Variants in RBP4 observed in about 807,000 individuals in gnomAD.
RBP4 encodes retinol-binding protein 4.
A neutral mutation model predicts 26.2 loss-of-function variants in RBP4; 9 were observed. The observed-to-expected ratio is 0.34, with a 90% CI of 0.21 to 0.60. RBP4 has a LOEUF of 0.60. Ranked by LOEUF, RBP4 falls within the 20% of genes least tolerant of loss-of-function variation. The pLI is 0.80. For synonymous variants in RBP4, 114 were observed against 111.0 expected (o/e 1.03, Z -0.17); for missense variants, 244 against 271.3 (o/e 0.90, Z 0.71).
At chr10:93,595,519 CCAGA>C (rs1389055123) in intron 4 of RBP4, among the ~76,000 whole-genome samples, 1 of 152,220 alleles carries the variant, frequency 6.6e-6, no homozygotes, top group Non-Finnish European at 1.5e-5. Context: ...CACACTGTCT[CCAGA>C]CAATCAGTAC....
At chr10:93,595,167 T>C (rs190816373) in intron 4 of RBP4, among the ~76,000 whole-genome samples, 2 of 152,046 alleles carry the variant, frequency 1.3e-5, no homozygotes, top group Non-Finnish European at 2.9e-5. Flanking sequence ...AAAAAAAGAA[T>C]GTATGTGAGC....
At chr10:93,596,466 T>C (rs967714450) in intron 4 of RBP4, among the ~76,000 whole-genome samples, 5 of 152,098 alleles carry the variant, frequency 3.3e-5, no homozygotes, top group African/African-American at 4.8e-5. Flanking sequence ...GAGAATGAGG[T>C]TGGTTCTCTA....
rs2058283396 is a variant in RBP4 at position 93,593,848 on chromosome 10, C to T, written c.543G>A (p.Arg181=). 6.2e-7 allele frequency: 1 copy of T among 1,612,270 alleles called. No individual in the cohort carries two copies. The highest frequency in any genetic ancestry group is 2.1e-4 in the Middle Eastern group (1 of 4,854). ...CGTTGTGGACGATCAGCCTGTACTG[C>T]CTGGCCAGGCACAGCTCCTCCTGCC... ...RQRQEELCLA[R]QYRLIVHNGY... The change falls in exon 5 of 6, where the codon AGG becomes AGA. Residue 181 remains arginine (R), a synonymous_variant. Transcript: ENST00000371464.
At chr10:93,593,450 C>T (rs1222588281) in intron 5 of RBP4, among the ~76,000 whole-genome samples, 2 of 151,964 alleles carry the variant, frequency 1.3e-5, no homozygotes, top group South Asian at 2.1e-4. Flanking sequence ...GCCACATGAA[C>T]TGCCCACCTC....
chr10:93,600,263 G>C (rs1364539981), intron 4 of RBP4, 130 bp downstream of exon 4: 18 of 823,366 alleles, frequency 2.2e-5, no homozygotes, highest in East Asian at 5.0e-5. Context: ...GGTGCTGCGG[G>C]TTCCTGACAC....
At chr10:93,601,373 C>T (rs1347773883), upstream of RBP4, 2 of 1,250,072 alleles carry the variant, frequency 1.6e-6, no homozygotes, top group Non-Finnish European at 2.0e-6. Flanking sequence ...GGAGCCCGGG[C>T]ACGGGCAGGG....
At position 93,601,187 on chromosome 10, in the gene RBP4, G is replaced by A; in HGVS notation, c.-35C>T. The A allele has an allele frequency of 2.9e-6, 4 of 1,376,004 alleles. No individual in the cohort carries two copies. The highest frequency in any genetic ancestry group is 3.7e-6 in the Non-Finnish European group (4 of 1,076,042). The allele number at this position is 1,376,004 out of a possible 1,614,324, so 85.2% of individuals were successfully genotyped here. ...GCGACTCACCACCGGGAGGGGAACCGCGCGCAAGCCTGGCCGCCGAGTCCG... is the reference window on the plus strand; with the variant it reads ...GCGACTCACCACCGGGAGGGGAACCACGCGCAAGCCTGGCCGCCGAGTCCG... On this transcript the variant is annotated 5_prime_UTR_variant, in exon 1 of 6. Transcript: ENST00000371464.
chr10:93,601,383 G>C (rs1352356357), upstream of RBP4: 2 of 1,265,950 alleles, frequency 1.6e-6, no homozygotes, highest in Non-Finnish European at 2.0e-6. Flanking sequence ...CACGGGCAGG[G>C]TCCCTGTGGG....
chr10:93,600,442 G>C lies in RBP4; in HGVS notation c.306C>G (p.Ala102=). ...VGTFTDTEDP[A]KFKMKYWGVA... ...CGCCCCAGTACTTCATCTTGAACTT[G>C]GCAGGGTCCTCGGTGTCTGTGAAGG... The change falls in exon 4 of 6, where the codon GCC becomes GCG. Residue 102 remains alanine, a synonymous_variant. Transcript: ENST00000371464. 6.2e-7 allele frequency: 1 copy of C among 1,614,150 alleles called. No individual in the cohort carries two copies. The highest frequency in any genetic ancestry group is 8.5e-7 in the Non-Finnish European group (1 of 1,180,034).
chr10:93,598,849 C>T (rs1209626392), intron 4 of RBP4, among the ~76,000 whole-genome samples: 1 of 152,182 alleles, frequency 6.6e-6, no homozygotes, highest in East Asian at 1.9e-4. Context: ...AATCCATTAT[C>T]AGAAAAGTAT....
chr10:93,601,484 A>T (rs1280871898), upstream of RBP4: 14 of 837,504 alleles, frequency 1.7e-5, no homozygotes, highest in Non-Finnish European at 2.0e-5. Context: ...GCCCTGGCTC[A>T]GTTACCCTGC....
At chr10:93,600,367 AC>A in intron 4 of RBP4, 25 bp downstream of exon 4, 1 of 1,598,324 alleles carries the variant, frequency 6.3e-7, no homozygotes, top group Admixed American at 1.7e-5. Context: ...CATTCCCAAG[AC>A]AGTCCCACAG....
chr10:93,598,949 G>T (rs1359940849), intron 4 of RBP4, among the ~76,000 whole-genome samples: 1 of 152,074 alleles, frequency 6.6e-6, no homozygotes, highest in African/African-American at 2.4e-5. Flanking sequence ...TAAAAATAAA[G>T]CTTCTAAGCT....
At chr10:93,594,151 C>G (rs563825389) in intron 4 of RBP4, 116 bp from the exon 5 acceptor site, 1 of 1,005,164 alleles carries the variant, frequency 9.9e-7, no homozygotes, top group East Asian at 2.5e-5. Context: ...GGTTTTATTT[C>G]TTTAGGAAGC....
chr10:93,600,855 C>A, intron 2 of RBP4, 52 bp from the exon 3 acceptor site: 1 of 843,360 alleles, frequency 1.2e-6, no homozygotes, highest in Non-Finnish European at 1.8e-6. Context: ...CACGGCGGGC[C>A]GCGGGGAGGG....
At chr10:93,592,783 G>A (rs73327272) in intron 5 of RBP4, among the ~76,000 whole-genome samples, 579 of 152,100 alleles carry the variant, frequency 3.8e-3, no homozygotes, top group African/African-American at 0.013. Flanking sequence ...GGGTCAGTTC[G>A]TGACCAACAG....
chr10:93,601,084 AC>A, intron 1 of RBP4, 38 bp from the exon 2 acceptor site: 1 of 1,576,206 alleles, frequency 6.3e-7, no homozygotes. Flanking sequence ...CCGGCAGCCG[AC>A]CCCCGCCGCC....
chr10:93,592,644 A>G (rs1342780302), intron 5 of RBP4, among the ~76,000 whole-genome samples: 1 of 152,100 alleles, frequency 6.6e-6, no homozygotes, highest in East Asian at 1.9e-4. Flanking sequence ...CATCTGTACA[A>G]TGTGCATAAT....
intron 3 of RBP4, 40 bp from the exon 4 acceptor site, chr10:93,600,539 G>GGGCTT: frequency 1.9e-6 from 3 of 1,613,154 alleles, no homozygotes; most frequent in Non-Finnish European, 2.5e-6. Context: ...GCCGGGCAAA[G>GGGCTT]GGCTTCCTCC....
Sources: gnomAD v4.1 joint callset for allele counts (sites outside exome capture counted in the v4.1 genomes callset) on GRCh38, gnomAD v4.1.1 for gene constraint, MANE v1.5 for transcripts, NCBI Gene and HGNC (gene_info 2026-07-23, HGNC 2026-07-21) for gene names.